The following UNC79 variants were observed in gnomAD, a reference collection of about 807,000 sequenced individuals.
UNC79 encodes the protein unc-79 subunit of NALCN channel complex.
Under a neutral mutation model 283.1 loss-of-function variants are expected in UNC79, and 37 were observed. The observed-to-expected ratio is 0.13, with a 90% CI of 0.10 to 0.17. UNC79 has a LOEUF of 0.17. UNC79 is among the 10% of genes least tolerant of loss of function. UNC79 has a pLI of 1.00. For synonymous variants in UNC79, 1,107 were observed against 1,200.2 expected (o/e 0.92, Z 1.61); for missense variants, 2,272 against 3,211.1 (o/e 0.71, Z 7.07).
chr14:93,537,302 C>G (rs1219441883), intron 11 of UNC79, among the ~76,000 whole-genome samples: 1 of 152,226 alleles, frequency 6.6e-6, no homozygotes, highest in African/African-American at 2.4e-5. Context: ...TTCTCGTTCC[C>G]ATCACTTCAT....
In UNC79 at chr14:93,529,247, T is replaced by C. The variant is rs1025473643; in HGVS notation, c.1053-39T>C. 5 of 1,610,446 alleles carry C rather than the reference T, an allele frequency of 3.1e-6. No individual in the cohort carries two copies. The African/African-American group carries it at 6.7e-5, about 22-fold the overall frequency. Reference sequence around the variant, plus strand: ...AACATTCATGTGGAAGGAGAACATTTCAATGAAGCTCAAAAATGAATTTTG... The same window carrying C: ...AACATTCATGTGGAAGGAGAACATTCCAATGAAGCTCAAAAATGAATTTTG... On this transcript the variant is annotated intron_variant, in intron 9 of 48. Coordinates refer to ENST00000555664, the Ensembl canonical transcript of UNC79.
chr14:93,396,767 A>ATGTGTGTGTG (rs1413500764), intron 1 of UNC79, among the ~76,000 whole-genome samples: 1,063 of 76,458 alleles, frequency 0.014, 7 homozygotes, highest in Admixed American at 0.017. Flanking sequence ...TGCAAAGGGC[A>ATGTGTGTGTG]TGTGTGTGTA....
At chr14:93,365,919 A>G (rs1266152385) in intron 1 of UNC79, among the ~76,000 whole-genome samples, 2 of 152,228 alleles carry the variant, frequency 1.3e-5, no homozygotes, top group African/African-American at 4.8e-5. Flanking sequence ...AGAATAAATT[A>G]TAAAAAGCCT....
intron 4 of UNC79, among the ~76,000 whole-genome samples, chr14:93,481,885 G>T (rs2058164154): frequency 6.6e-6 from 1 of 152,264 alleles, no homozygotes; most frequent in South Asian, 2.1e-4. Context: ...GCCGAGTCAT[G>T]GGAAATGTTT....
chr14:93,618,381 C>T lies in UNC79; in HGVS notation c.4387+27C>T, dbSNP rs373490587. On this transcript the variant is annotated intron_variant, in intron 29 of 48. Coordinates refer to ENST00000555664, the Ensembl canonical transcript of UNC79. ...TACATATCTAAATTCTATCCCAAAC[C>T]TAGCTTCAATACATAATAGATTTCT... 20 of 1,582,540 alleles carry T rather than the reference C, an allele frequency of 1.3e-5. No homozygotes were observed. In the South Asian group the frequency reaches 2.0e-4, roughly 16 times the overall value.
Position 93,388,575 on chromosome 14 carries a change from A to G in UNC79, c.-351+55052A>G, listed in dbSNP as rs561205645. Among the ~76,000 whole-genome samples the G allele has an allele frequency of 2.6e-5, 4 of 152,358 alleles. No homozygotes were observed. The East Asian group carries it at 7.7e-4, about 29-fold the overall frequency. ...TTTCCAGAAGAGGTTGCAGCAATTC[A>G]TATTCCAACCAGTGATGCATGAGGG... On this transcript the variant is annotated intron_variant, in intron 1 of 49. Coordinates refer to the UNC79 transcript ENST00000256339.
At chr14:93,485,280 T>C (rs1233667762) in intron 4 of UNC79, among the ~76,000 whole-genome samples, 2 of 151,016 alleles carry the variant, frequency 1.3e-5, no homozygotes, top group African/African-American at 2.4e-5. Context: ...TGAATACATC[T>C]GAGACAAGAA....
At chr14:93,333,684 C>T (rs2053507454) in intron 1 of UNC79, among the ~76,000 whole-genome samples, 1 of 152,136 alleles carries the variant, frequency 6.6e-6, no homozygotes, top group Admixed American at 6.5e-5. Context: ...CGTGGGAGAG[C>T]CAAGTCGCTC....
intron 1 of UNC79, among the ~76,000 whole-genome samples, chr14:93,399,685 T>C (rs558459598): frequency 1.3e-5 from 2 of 152,242 alleles, no homozygotes; most frequent in East Asian, 3.9e-4. Flanking sequence ...GATACAGAGA[T>C]TTGGTATTTT....
intron 26 of UNC79, among the ~76,000 whole-genome samples, chr14:93,610,504 A>G (rs2066219763): frequency 1.3e-5 from 2 of 152,220 alleles, no homozygotes; most frequent in Admixed American, 1.3e-4. Flanking sequence ...GAACCCTGTC[A>G]TATTCTTGGC....
At chr14:93,393,913 A>G (rs1221486128) in intron 1 of UNC79, among the ~76,000 whole-genome samples, 5 of 151,864 alleles carry the variant, frequency 3.3e-5, no homozygotes, top group Non-Finnish European at 7.4e-5. Context: ...CCTAACCTCA[A>G]ATATTACTCT....
At chr14:93,475,372 G>T (rs1355641284) in intron 3 of UNC79, among the ~76,000 whole-genome samples, 2 of 152,128 alleles carry the variant, frequency 1.3e-5, no homozygotes, top group African/African-American at 4.8e-5. Context: ...TCCCCTAAGA[G>T]AATTCTTGAT....
At chr14:93,652,028 C>T (rs544394189) in intron 35 of UNC79, among the ~76,000 whole-genome samples, 10 of 145,956 alleles carry the variant, frequency 6.9e-5, no homozygotes, top group African/African-American at 2.5e-4. Flanking sequence ...TCCCAAAGTG[C>T]TGGGATTACA....
intron 7 of UNC79, among the ~76,000 whole-genome samples, chr14:93,507,432 T>G (rs1406689590): frequency 6.6e-6 from 1 of 152,228 alleles, no homozygotes; most frequent in African/African-American, 2.4e-5. Context: ...CTGGTGAGTG[T>G]GTATCTTGTG....
chr14:93,670,859 T>C (rs2072773808), intron 40 of UNC79, among the ~76,000 whole-genome samples: 1 of 152,156 alleles, frequency 6.6e-6, no homozygotes, highest in Non-Finnish European at 1.5e-5. Context: ...AAGAATCAGT[T>C]TGGGAGAGTC....
At position 93,389,531 on chromosome 14, in the gene UNC79, G is replaced by A. The variant is rs111980930; in HGVS notation, c.-351+56008G>A. On this transcript the variant is annotated intron_variant, in intron 1 of 49. Coordinates refer to the UNC79 transcript ENST00000256339. ...GATTTTGCTGAATTGAGGAGACAGA[G>A]GTTGGAGTTCTTGGAGGTGGAAGGT... Among the ~76,000 whole-genome samples, 492 of 152,228 alleles carry A rather than the reference G, an allele frequency of 3.2e-3. 2 individuals are homozygous for A. The highest frequency in any genetic ancestry group is 0.014 in the Middle Eastern group (4 of 294).
chr14:93,339,000 G>T (rs988340113), intron 1 of UNC79, among the ~76,000 whole-genome samples: 11 of 152,210 alleles, frequency 7.2e-5, no homozygotes, highest in Non-Finnish European at 1.3e-4. Context: ...TTAACCAGAA[G>T]AGGTTCAGAG....
At chr14:93,597,240 G>A in intron 23 of UNC79, 119 bp from the exon 24 acceptor site, 1 of 1,013,910 alleles carries the variant, frequency 9.9e-7, no homozygotes, top group Non-Finnish European at 1.5e-6. Context: ...CCATGCGGGA[G>A]ACCCAGAGTT....
intron 40 of UNC79, among the ~76,000 whole-genome samples, chr14:93,669,450 C>G (rs1195985331): frequency 6.6e-6 from 1 of 152,062 alleles, no homozygotes; most frequent in Admixed American, 6.6e-5. Flanking sequence ...GCTAGAGGAA[C>G]AAAAGTCCGG....
Sources: allele counts gnomAD v4.1 joint callset (sites outside exome capture counted in the v4.1 genomes callset), GRCh38; gene constraint gnomAD v4.1.1; transcripts MANE v1.5; gene names NCBI Gene and HGNC (gene_info 2026-07-23, HGNC 2026-07-21).